DCAF7: variants seen among roughly 807,000 people sequenced by gnomAD.
DCAF7 encodes the protein DDB1- and CUL4-associated factor 7.
In DCAF7, 4 loss-of-function variants were observed where a neutral mutation model predicts 41.2. That is an observed-to-expected ratio of 0.10 (90% CI 0.05 to 0.22). The LOEUF is 0.22. DCAF7 is among the 10% of genes least tolerant of loss of function. The pLI, the probability that DCAF7 is intolerant of heterozygous loss-of-function variation, is 1.00. For missense variants in DCAF7, 131 were observed against 443.2 expected, an observed-to-expected ratio of 0.30 and a Z score of 6.32; for synonymous variants, 143 against 164.2, an observed-to-expected ratio of 0.87 and a Z score of 0.99.
chr17:63,583,992 T>A (rs964577623), intron 5 of DCAF7, among the ~76,000 whole-genome samples: 3 of 152,158 alleles, frequency 2.0e-5, no homozygotes, highest in African/African-American at 7.2e-5. Context: ...TGAGAAAGCC[T>A]AATCTGGAAT....
intron 1 of DCAF7, among the ~76,000 whole-genome samples, chr17:63,574,184 T>C (rs1402984448): frequency 6.6e-6 from 1 of 152,224 alleles, no homozygotes; most frequent in Non-Finnish European, 1.5e-5. Context: ...CCCTTCCCTT[T>C]CCTATTTGCC....
Position 63,585,252 on chromosome 17 carries a change from C to T in DCAF7, c.780C>T (p.Ala260=), listed in dbSNP as rs1170924617. The T allele has an allele frequency of 6.2e-7, 1 of 1,614,002 alleles. No homozygotes were observed. The highest frequency in any genetic ancestry group is 1.1e-5 in the South Asian group (1 of 91,080). The stretch of plus-strand genomic sequence containing the variant: ...TCCGGGTTCCCTGCACACCTGTCGC[C>T]AGGTTAAACAACCATCGAGCATGTG... The part of the protein sequence containing the change: ...LDVRVPCTPV[A]RLNNHRACVN... Residue 260 remains alanine, a synonymous_variant, in exon 6 of 7, where the codon GCC becomes GCT. Transcript: ENST00000614556.
rs746257675 is a variant in DCAF7 at position 63,592,008 on chromosome 17, A to T, written c.*2836A>T. ...GAGAGCTGGAGAATGGGTCCACGTC[A>T]TTCAAGGACCTGAATTTTTTATGCT... On this transcript the variant is annotated 3_prime_UTR_variant, in exon 7 of 7. Transcript: ENST00000614556. 3 of 152,320 alleles carry T rather than the reference A, an allele frequency of 2.0e-5. No homozygotes were observed. Among genetic ancestry groups the T allele is most frequent in the Non-Finnish European group, 2.9e-5 (2 of 68,104 alleles). 9.4% of individuals were successfully genotyped at this position (152,320 alleles called of 1,614,324 possible). A position where few individuals can be genotyped will look rare whatever the true frequency, so the allele number is the denominator to read the frequency against.
At chr17:63,580,955 C>T (rs1475326104) in intron 4 of DCAF7, among the ~76,000 whole-genome samples, 2 of 152,164 alleles carry the variant, frequency 1.3e-5, no homozygotes, top group African/African-American at 4.8e-5. Context: ...TTCTACCTTA[C>T]CCTGCACAGC....
chr17:63,563,546 A>G (rs2033406338), intron 1 of DCAF7, among the ~76,000 whole-genome samples: 3 of 152,342 alleles, frequency 2.0e-5, no homozygotes, highest in African/African-American at 7.2e-5. Flanking sequence ...AGGCATATAA[A>G]TAAGTAGTGG....
At chr17:63,552,738 A>G (rs527763390) in intron 1 of DCAF7, among the ~76,000 whole-genome samples, 1 of 152,358 alleles carries the variant, frequency 6.6e-6, no homozygotes, top group South Asian at 2.1e-4. Context: ...ACTGAGCCAC[A>G]GTTAGGCTGC....
At chr17:63,561,235 A>T (rs1427462029) in intron 1 of DCAF7, among the ~76,000 whole-genome samples, 1 of 152,362 alleles carries the variant, frequency 6.6e-6, no homozygotes, top group Non-Finnish European at 1.5e-5. Flanking sequence ...ACTGCACTCC[A>T]GCCTGGGCAA....
At chr17:63,580,481 AAACTGAG>A (rs2033609391) in intron 4 of DCAF7, among the ~76,000 whole-genome samples, 1 of 149,330 alleles carries the variant, frequency 6.7e-6, no homozygotes, top group Non-Finnish European at 1.5e-5. Context: ...TTTATTGGGA[AAACTGAG>A]AAGAGCTATT....
chr17:63,584,058 A>C (rs1429508453), intron 5 of DCAF7, among the ~76,000 whole-genome samples: 1 of 152,226 alleles, frequency 6.6e-6, no homozygotes, highest in Non-Finnish European at 1.5e-5. Context: ...AGAGCCAGGA[A>C]AAGCAATATC....
rs529811578 is a variant in DCAF7, at chr17:63,551,891, C to CAAAAAAAAAAAAAAAAAAAA, written c.138+1097_138+1116dup. Among the ~76,000 whole-genome samples, 13 of 27,294 alleles carry CAAAAAAAAAAAAAAAAAAAA rather than the reference C, an allele frequency of 4.8e-4. 5 individuals carry two copies. The highest frequency in any genetic ancestry group is 1.5e-3 in the Admixed American group (2 of 1,300). 17.9% of individuals were successfully genotyped at this position (27,294 alleles called of 152,430 possible). A position where few individuals can be genotyped will look rare whatever the true frequency, so the allele number is the denominator to read the frequency against. The stretch of plus-strand genomic sequence containing the variant: ...GTGAAACCCCGTCTCTACTAAAATA[C>CAAAAAAAAAAAAAAAAAAAA]AAAAAAAAAAAAAAAAAAAAAAAAA... On this transcript the variant is annotated intron_variant, in intron 1 of 6. Coordinates refer to ENST00000614556, the MANE Select transcript of DCAF7 (RefSeq NM_005828.5).
chr17:63,571,297 T>C (rs757203918), intron 1 of DCAF7, among the ~76,000 whole-genome samples: 2 of 152,170 alleles, frequency 1.3e-5, no homozygotes, highest in Non-Finnish European at 2.9e-5. Context: ...GTAGGCAAGA[T>C]CTGGAAGTAG....
At chr17:63,587,849 G>A (rs940171041) in intron 6 of DCAF7, among the ~76,000 whole-genome samples, 8 of 151,462 alleles carry the variant, frequency 5.3e-5, no homozygotes, top group Non-Finnish European at 4.4e-5. Flanking sequence ...GGCCAGGTGC[G>A]GTGGTTCATG....
In DCAF7 at chr17:63,579,327, G is replaced by T. The variant is rs367848702; in HGVS notation, c.298-10G>T. 5.7e-6 allele frequency: 9 copies of T among 1,572,394 alleles called. No individual in the cohort carries two copies. The highest frequency in any genetic ancestry group is 4.1e-5 in the African/African-American group (3 of 73,856). On this transcript the variant is annotated splice_polypyrimidine_tract_variant and intron_variant, in intron 2 of 6. Transcript: ENST00000614556. ...CTGGCTGATTTTTTTTAAAATTCTT[G>T]TTCCTTCAGGTTGGTGAAACAGAGA...
chr17:63,574,480 G>C (rs924986060), intron 1 of DCAF7, among the ~76,000 whole-genome samples: 6 of 152,084 alleles, frequency 3.9e-5, no homozygotes, highest in Admixed American at 6.6e-5. Context: ...TGAATATTTA[G>C]ACTTAGTCAT....
intron 4 of DCAF7, among the ~76,000 whole-genome samples, chr17:63,581,392 G>A (rs2033621136): frequency 6.6e-6 from 1 of 152,226 alleles, no homozygotes; most frequent in East Asian, 1.9e-4. Context: ...GTAGCAGTGA[G>A]GTCATCCATA....
At chr17:63,573,725 C>T (rs1165403722) in intron 1 of DCAF7, among the ~76,000 whole-genome samples, 1 of 148,078 alleles carries the variant, frequency 6.8e-6, no homozygotes, top group East Asian at 2.0e-4. Flanking sequence ...AGTGAAAATC[C>T]GTCTCAAAAA....
At chr17:63,583,329 C>T (rs1408208751) in intron 4 of DCAF7, among the ~76,000 whole-genome samples, 173 bp from the exon 5 acceptor site, 2 of 152,280 alleles carry the variant, frequency 1.3e-5, no homozygotes, top group East Asian at 3.9e-4. Flanking sequence ...CTTTGGGAAG[C>T]CACTGATATT....
Position 63,550,567 on chromosome 17 carries a change from T to C in DCAF7, c.-111T>C. ...GCATCCCCGCTTCCGGGTTAGGCCG[T>C]TCCTGCCCGCCCCCTCCTCTCCTCC... On this transcript the variant is annotated 5_prime_UTR_variant, in exon 1 of 7. Coordinates refer to ENST00000614556, the MANE Select transcript of DCAF7 (RefSeq NM_005828.5). This position sits in a 1 kb window ranked among gnomAD's most constrained non-coding sequence, Gnocchi z 4.8. The C allele has an allele frequency of 6.7e-7, 1 of 1,497,302 alleles. No individual in the cohort carries two copies. Among genetic ancestry groups the C allele is most frequent in the African/African-American group, 1.4e-5 (1 of 72,528 alleles). 92.8% of individuals were successfully genotyped at this position (1,497,302 alleles called of 1,614,324 possible). A position where few individuals can be genotyped will look rare whatever the true frequency, so the allele number is the denominator to read the frequency against.
Position 63,593,716 on chromosome 17 carries a change from T to A in DCAF7, c.*4544T>A, listed in dbSNP as rs912126111. 1.3e-5 allele frequency: 2 copies of A among 152,684 alleles called. No homozygotes were observed. The highest frequency in any genetic ancestry group is 6.5e-5 in the Admixed American group (1 of 15,286). 9.5% of individuals were successfully genotyped at this position (152,684 alleles called of 1,614,324 possible). On this transcript the variant is annotated 3_prime_UTR_variant, in exon 7 of 7. Coordinates refer to ENST00000614556, the MANE Select transcript of DCAF7 (RefSeq NM_005828.5). ...TTAGTTGAGTCTGACTCACTTGCTT[T>A]GGTTCCTGTGTATTTTACTACCCCT...
Sources: gnomAD v4.1 joint callset for allele counts (sites outside exome capture counted in the v4.1 genomes callset) on GRCh38, gnomAD v4.1.1 for gene constraint, Gnocchi (gnomAD v3.1) non-coding constraint, MANE v1.5 for transcripts, NCBI Gene and HGNC (gene_info 2026-07-23, HGNC 2026-07-21) for gene names.